The following TEX14 variants were observed in gnomAD, a reference collection of about 807,000 sequenced individuals.
TEX14 encodes testis expressed 14, intercellular bridge forming factor, also known as inactive serine/threonine-protein kinase TEX14.
TEX14 carries 168 observed loss-of-function variants against 178.6 expected under a neutral mutation model. The ratio of observed to expected loss-of-function variants is 0.94; its 90% CI spans 0.83 to 1.07. TEX14 has a LOEUF of 1.07. TEX14 is among the 50% of genes least tolerant of loss of function. The pLI, the probability that TEX14 is intolerant of heterozygous loss-of-function variation, is 0.00. For missense variants in TEX14, 1,730 were observed against 1,753.6 expected, an observed-to-expected ratio of 0.99 and a Z score of 0.24; for synonymous variants, 626 against 634.1, an observed-to-expected ratio of 0.99 and a Z score of 0.19.
intron 11 of TEX14, among the ~76,000 whole-genome samples, chr17:58,603,271 T>C (rs2045511144): frequency 6.7e-6 from 1 of 148,374 alleles, no homozygotes; most frequent in Non-Finnish European, 1.5e-5. Flanking sequence ...AAAGCAGCCC[T>C]TGGCCGGGCG....
chr17:58,640,499 T>A (rs1479768975), intron 2 of TEX14, among the ~76,000 whole-genome samples: 2 of 152,068 alleles, frequency 1.3e-5, no homozygotes, highest in African/African-American at 4.8e-5. Flanking sequence ...GAGCTTATTA[T>A]CTTAACCACT....
intron 18 of TEX14, among the ~76,000 whole-genome samples, chr17:58,584,910 A>T (rs1285071285): frequency 1.3e-5 from 2 of 152,216 alleles, no homozygotes; most frequent in Non-Finnish European, 2.9e-5. Flanking sequence ...TCTTTCTTTA[A>T]CTTATAAACA....
chr17:58,649,185 T>G (rs890526440), intron 2 of TEX14, among the ~76,000 whole-genome samples: 1 of 151,536 alleles, frequency 6.6e-6, no homozygotes. Flanking sequence ...GTTCAAGTGA[T>G]TCTCCTGCCT....
chr17:58,684,562 G>C (rs900632788), intron 1 of TEX14, among the ~76,000 whole-genome samples: 1 of 151,878 alleles, frequency 6.6e-6, no homozygotes, highest in African/African-American at 2.4e-5. Context: ...TTGAACCAGG[G>C]AGGCAGTGGT....
At chr17:58,631,250 C>T in intron 2 of TEX14, 1 of 457,940 alleles carries the variant, frequency 2.2e-6, no homozygotes, top group South Asian at 9.3e-5. Context: ...TCACTTGAGG[C>T]CAAGAGCTCG....
At chr17:58,674,121 A>C (rs1047401807) in intron 1 of TEX14, among the ~76,000 whole-genome samples, 6 of 151,998 alleles carry the variant, frequency 3.9e-5, no homozygotes, top group African/African-American at 1.4e-4. Flanking sequence ...TAAAACTACA[A>C]AAAATTTAGC....
chr17:58,570,324 T>TA, intron 25 of TEX14, 61 bp downstream of exon 25: 3 of 1,091,994 alleles, frequency 2.7e-6, no homozygotes. Flanking sequence ...CAAAGATTGA[T>TA]AAGCATCAAT....
rs754688989 is a variant in TEX14, at chr17:58,599,376, G to A, written c.1969C>T (p.Leu657=). 3.7e-6 allele frequency: 6 copies of A among 1,614,170 alleles called. No homozygotes were observed. The highest frequency in any genetic ancestry group is 5.1e-6 in the Non-Finnish European group (6 of 1,180,042). ...EADGPNQVDE[L]KSMEEELDKM... The stretch of plus-strand genomic sequence containing the variant: ...TCCAGCTCTTCTTCCATGGATTTCA[G>A]TTCATCTACCTGGTTAGGTCCGTCT... Residue 657 remains leucine (L), a synonymous_variant, in exon 14 of 32, where the codon CTG becomes TTG. Coordinates refer to ENST00000349033, the MANE Select transcript of TEX14 (RefSeq NM_031272.5).
chr17:58,683,544 C>A (rs954769386), intron 1 of TEX14, among the ~76,000 whole-genome samples: 3 of 151,134 alleles, frequency 2.0e-5, no homozygotes, highest in Non-Finnish European at 4.4e-5. Flanking sequence ...AGGCGGATAA[C>A]CTGAGGTCAG....
intron 10 of TEX14, among the ~76,000 whole-genome samples, chr17:58,606,316 T>C (rs1341203054): frequency 6.6e-6 from 1 of 152,184 alleles, no homozygotes; most frequent in Non-Finnish European, 1.5e-5. Flanking sequence ...TGTAAAGAAT[T>C]AGTATGAATA....
intron 2 of TEX14, among the ~76,000 whole-genome samples, chr17:58,645,738 A>G (rs147302302): frequency 1.6e-4 from 24 of 152,336 alleles, no homozygotes; most frequent in Middle Eastern, 3.4e-3. Flanking sequence ...GTGGTACATC[A>G]TTAACTGTAA....
At chr17:58,618,307 T>C (rs1457217286) in intron 5 of TEX14, among the ~76,000 whole-genome samples, 1 of 152,130 alleles carries the variant, frequency 6.6e-6, no homozygotes, top group Non-Finnish European at 1.5e-5. Flanking sequence ...CTTGTCCAGT[T>C]TTTTCATTAT....
At chr17:58,579,938 C>T (rs186618083) in intron 19 of TEX14, among the ~76,000 whole-genome samples, 175 of 152,290 alleles carry the variant, frequency 1.1e-3, no homozygotes, top group Admixed American at 2.0e-3. Flanking sequence ...CCTCACCTCT[C>T]ATTGTGAAGA....
Position 58,598,084 on chromosome 17 carries a change from T to C in TEX14, c.2469+792A>G, listed in dbSNP as rs200264729. 3.9e-5 allele frequency among the ~76,000 whole-genome samples: 6 copies of C among 151,950 alleles called. No individual in the cohort carries two copies. The East Asian group carries it at 1.2e-3, about 29-fold the overall frequency. ...ATCCCAACACTTTGGGAGGCCGAGG[T>C]GGGCAGATCACCTGAGGTCAGGAGT... On this transcript the variant is annotated intron_variant, in intron 14 of 31. Coordinates refer to ENST00000349033, the MANE Select transcript of TEX14 (RefSeq NM_031272.5).
In TEX14 at chr17:58,611,195, C is replaced by T. The variant is rs765161070; in HGVS notation, c.1150G>A (p.Ala384Thr). 4 of 1,614,054 alleles carry T rather than the reference C, an allele frequency of 2.5e-6. No individual in the cohort carries two copies. The highest frequency in any genetic ancestry group is 1.1e-5 in the South Asian group (1 of 91,072). The change falls in exon 10 of 32, where the codon GCG (alanine) becomes ACG (threonine). Residue 384 changes from alanine (A) to threonine (T), a missense_variant. Transcript: ENST00000349033. ...YAVHIISPGE[A>T]RLTNLEYMLE... ...ATGTACTCCAGGTTGGTCAGCCTCG[C>T]TTCACCTGGGGAGATGATATGGACA...
intron 11 of TEX14, among the ~76,000 whole-genome samples, chr17:58,602,980 C>T (rs1008039347): frequency 6.6e-6 from 1 of 151,768 alleles, no homozygotes; most frequent in Non-Finnish European, 1.5e-5. Context: ...GCAGGAGAAT[C>T]GCTTGAACCC....
intron 1 of TEX14, chr17:58,659,243 A>G (rs985414167): frequency 1.1e-5 from 7 of 637,532 alleles, no homozygotes; most frequent in African/African-American, 2.0e-5. Flanking sequence ...CATAGTAAAA[A>G]CCCTCCCCCA....
At chr17:58,614,409 G>C (rs2045822279) in intron 8 of TEX14, among the ~76,000 whole-genome samples, 1 of 152,214 alleles carries the variant, frequency 6.6e-6, no homozygotes, top group Non-Finnish European at 1.5e-5. Flanking sequence ...GGAATCGCTT[G>C]AGCCCAGGAG....
chr17:58,620,910 A>C (rs1054094850), intron 5 of TEX14, among the ~76,000 whole-genome samples: 9 of 152,212 alleles, frequency 5.9e-5, no homozygotes, highest in Admixed American at 5.9e-4. Context: ...TCGCCTGAGA[A>C]GCCAGCAGCA....
Sources: allele counts gnomAD v4.1 joint callset (sites outside exome capture counted in the v4.1 genomes callset), GRCh38; gene constraint gnomAD v4.1.1; transcripts MANE v1.5; gene names NCBI Gene and HGNC (gene_info 2026-07-23, HGNC 2026-07-21).